The following ATRNL1 variants were observed in gnomAD, a reference collection of about 807,000 sequenced individuals.
The protein encoded by ATRNL1 is attractin-like protein 1.
ATRNL1 carries 95 observed loss-of-function variants against 182.7 expected under a neutral mutation model. The observed-to-expected ratio is 0.52, with a 90% CI of 0.44 to 0.62. The LOEUF (loss-of-function observed/expected upper bound fraction) is 0.62. Ranked by LOEUF, ATRNL1 falls within the 20% of genes least tolerant of loss-of-function variation. The pLI is 0.00. For missense variants in ATRNL1, 1,471 were observed against 1,679.5 expected, an observed-to-expected ratio of 0.88 and a Z score of 2.17; for synonymous variants, 576 against 568.3, an observed-to-expected ratio of 1.01 and a Z score of -0.19.
intron 19 of ATRNL1, among the ~76,000 whole-genome samples, chr10:115,373,923 A>C (rs1857524879): frequency 6.6e-6 from 1 of 151,942 alleles, no homozygotes; most frequent in African/African-American, 2.4e-5. Context: ...ATGTTTTTGG[A>C]AAAGTTTCAG....
intron 24 of ATRNL1, among the ~76,000 whole-genome samples, chr10:115,480,469 A>T (rs1002659453): frequency 2.0e-5 from 3 of 151,132 alleles, no homozygotes; most frequent in African/African-American, 7.3e-5. Flanking sequence ...TTTTTAAAAA[A>T]GTTTCAATTC....
chr10:115,834,568 C>A (rs1555094810), intron 27 of ATRNL1, among the ~76,000 whole-genome samples: 1 of 152,108 alleles, frequency 6.6e-6, no homozygotes, highest in Non-Finnish European at 1.5e-5. Flanking sequence ...CCATTTTGCT[C>A]TGGTAAGGTA....
intron 26 of ATRNL1, among the ~76,000 whole-genome samples, chr10:115,651,405 A>C (rs1394482414): frequency 2.0e-5 from 3 of 152,162 alleles, no homozygotes; most frequent in African/African-American, 7.2e-5. Flanking sequence ...TACTAATATC[A>C]AAAAGAGGAA....
chr10:115,849,959 T>C (rs1951016518), intron 28 of ATRNL1, among the ~76,000 whole-genome samples: 1 of 152,188 alleles, frequency 6.6e-6, no homozygotes, highest in South Asian at 2.1e-4. Context: ...TGAAATAGCT[T>C]ACCATACTTT....
chr10:115,146,316 A>G (rs1264765), intron 5 of ATRNL1, among the ~76,000 whole-genome samples: 54,284 of 151,822 alleles, frequency 0.36, 10,155 homozygotes, highest in African/African-American at 0.46. Flanking sequence ...ATTATTTTTT[A>G]CTTACTTTCC....
At chr10:115,314,759 A>G (rs1554929027) in intron 17 of ATRNL1, among the ~76,000 whole-genome samples, 2 of 152,210 alleles carry the variant, frequency 1.3e-5, no homozygotes, top group African/African-American at 2.4e-5. Context: ...AAACTTCACC[A>G]TATTCATAGG....
At chr10:115,328,272 T>C (rs1554934000) in intron 18 of ATRNL1, among the ~76,000 whole-genome samples, 1 of 152,164 alleles carries the variant, frequency 6.6e-6, no homozygotes, top group Non-Finnish European at 1.5e-5. Flanking sequence ...TATTTATACA[T>C]TTCATCACAA....
intron 21 of ATRNL1, among the ~76,000 whole-genome samples, chr10:115,444,317 T>C (rs1565049525): frequency 6.6e-6 from 1 of 152,074 alleles, no homozygotes. Flanking sequence ...TGTTTTTCTT[T>C]TGTTTTTTGG....
chr10:115,887,616 G>C (rs1951979337), intron 28 of ATRNL1, among the ~76,000 whole-genome samples: 1 of 151,742 alleles, frequency 6.6e-6, no homozygotes, highest in African/African-American at 2.4e-5. Flanking sequence ...TAGGGGGCGG[G>C]GAGAGGCACA....
chr10:115,184,154 A>C (rs1324709284), intron 8 of ATRNL1, among the ~76,000 whole-genome samples: 1 of 151,482 alleles, frequency 6.6e-6, no homozygotes, highest in Non-Finnish European at 1.5e-5. Flanking sequence ...AAAGGAGAAA[A>C]ATGATATTAT....
intron 19 of ATRNL1, among the ~76,000 whole-genome samples, chr10:115,373,968 C>T (rs532599452): frequency 1.3e-5 from 2 of 151,866 alleles, no homozygotes; most frequent in Admixed American, 6.5e-5. Context: ...AAACATTTGG[C>T]AGAATTCAGC....
intron 21 of ATRNL1, among the ~76,000 whole-genome samples, chr10:115,451,586 A>T (rs1847283396): frequency 6.6e-6 from 1 of 152,102 alleles, no homozygotes; most frequent in African/African-American, 2.4e-5. Context: ...GTCAGAATGG[A>T]TATTATTAAA....
At chr10:115,360,012 T>C (rs1554943786) in intron 19 of ATRNL1, among the ~76,000 whole-genome samples, 1 of 151,742 alleles carries the variant, frequency 6.6e-6, no homozygotes, top group African/African-American at 2.4e-5. Flanking sequence ...GTAACTCCCA[T>C]TATTTGTAAC....
chr10:115,507,894 G>A (rs1163311844), intron 24 of ATRNL1, among the ~76,000 whole-genome samples: 3 of 151,926 alleles, frequency 2.0e-5, no homozygotes, highest in Non-Finnish European at 4.4e-5. Flanking sequence ...TGCCAAACAG[G>A]GTTACAGAGG....
intron 26 of ATRNL1, among the ~76,000 whole-genome samples, chr10:115,605,158 A>G (rs550677907): frequency 2.0e-5 from 3 of 152,218 alleles, no homozygotes; most frequent in Middle Eastern, 6.8e-3. Context: ...ATCAATTTAA[A>G]TGTTTTTACT....
chr10:115,204,804 A>G lies in ATRNL1; in HGVS notation c.1349-10893A>G, dbSNP rs552544520. On this transcript the variant is annotated intron_variant, in intron 8 of 28. Transcript: ENST00000355044. ...CTGGCCTTGAGAAATAATTTTGGAT[A>G]TGTTCCCTCTTCTATTTTGTGGAAA... 1.1e-4 allele frequency among the ~76,000 whole-genome samples: 16 copies of G among 152,126 alleles called. No individual in the cohort carries two copies. In the East Asian group the frequency reaches 1.9e-3, roughly 18 times the overall value.
intron 27 of ATRNL1, among the ~76,000 whole-genome samples, chr10:115,784,039 G>T (rs11593928): frequency 0.21 from 31,831 of 152,030 alleles, 3,598 homozygotes; most frequent in South Asian, 0.3. Flanking sequence ...CAACAAAAAT[G>T]ATTCGGAGTC....
At chr10:115,819,786 C>T (rs1950249613) in intron 27 of ATRNL1, 1 of 152,066 alleles carries the variant, frequency 6.6e-6, no homozygotes, top group Non-Finnish European at 1.5e-5. Context: ...GTCACTGGTT[C>T]TTGCCACTGA....
intron 25 of ATRNL1, among the ~76,000 whole-genome samples, chr10:115,523,302 G>C (rs572025473): frequency 6.6e-6 from 1 of 152,242 alleles, no homozygotes; most frequent in South Asian, 2.1e-4. Flanking sequence ...TCTGTGATGG[G>C]AAGCCCAGAA....
Sources: gnomAD v4.1 joint callset for allele counts (sites outside exome capture counted in the v4.1 genomes callset) on GRCh38, gnomAD v4.1.1 for gene constraint, MANE v1.5 for transcripts, NCBI Gene and HGNC (gene_info 2026-07-23, HGNC 2026-07-21) for gene names.